Variants in INSL6 observed in about 807,000 individuals in gnomAD.
INSL6 encodes insulin-like peptide INSL6.
A neutral mutation model predicts 9.4 loss-of-function variants in INSL6; 16 were observed. The ratio of observed to expected loss-of-function variants is 1.70; its 90% CI spans 1.15 to 2.59. INSL6 has a LOEUF of 2.59. Ranked by LOEUF, INSL6 falls within the 30% of genes most tolerant of loss-of-function variation. INSL6 has a pLI of 0.00. For synonymous variants in INSL6, 154 were observed against 96.9 expected (o/e 1.59, Z -3.46); for missense variants, 391 against 257.3 (o/e 1.52, Z -3.56).
chr9:5,033,293 G>A, the INSL6 span, among the ~76,000 whole-genome samples: 1 of 152,284 alleles, frequency 6.6e-6, no homozygotes, highest in East Asian at 1.9e-4. Context: ...TGGGGAGAAT[G>A]GAACCAAGTT....
At chr9:5,073,646 A>G in the INSL6 span, 4 of 1,335,564 alleles carry the variant, frequency 3.0e-6, no homozygotes, top group Non-Finnish European at 4.3e-6. Context: ...TTTCTGAACT[A>G]TTTATGGACA....
the INSL6 span, among the ~76,000 whole-genome samples, chr9:5,043,219 T>C: frequency 6.6e-6 from 1 of 151,912 alleles, no homozygotes; most frequent in Non-Finnish European, 1.5e-5. Flanking sequence ...CCCAGGGCGG[T>C]GGCCGTGAGT....
intron 2 of INSL6, among the ~76,000 whole-genome samples, chr9:5,152,027 A>C (rs886733915): frequency 6.6e-6 from 1 of 152,226 alleles, no homozygotes; most frequent in African/African-American, 2.4e-5. Flanking sequence ...ACAAGAATCA[A>C]TTTACCAAAA....
chr9:5,064,853 G>A, the INSL6 span: 1 of 1,478,382 alleles, frequency 6.8e-7, no homozygotes, highest in Non-Finnish European at 9.0e-7. Flanking sequence ...TTTCTAAAAG[G>A]TGCTATTTCT....
intron 1 of INSL6, among the ~76,000 whole-genome samples, chr9:5,181,652 T>C (rs757462476): frequency 6.6e-6 from 1 of 152,148 alleles, no homozygotes; most frequent in Non-Finnish European, 1.5e-5. Context: ...GCAACAGCAA[T>C]AGACAGATGT....
chr9:5,158,712 G>C (rs1315107514), intron 2 of INSL6, among the ~76,000 whole-genome samples: 2 of 152,076 alleles, frequency 1.3e-5, no homozygotes, highest in African/African-American at 4.8e-5. Context: ...AAAATGCTGA[G>C]GAGCTGCATC....
chr9:5,078,286 T>C, the INSL6 span: 49 of 1,603,246 alleles, frequency 3.1e-5, no homozygotes, highest in Admixed American at 4.2e-4. Flanking sequence ...TTTGAATATA[T>C]GTGCGTTTAA....
At chr9:5,151,960 A>C (rs993906609) in intron 2 of INSL6, among the ~76,000 whole-genome samples, 5 of 152,224 alleles carry the variant, frequency 3.3e-5, no homozygotes, top group African/African-American at 1.2e-4. Flanking sequence ...TATATGATGG[A>C]AACACTAATT....
intron 2 of INSL6, among the ~76,000 whole-genome samples, chr9:5,148,019 T>C (rs969867366): frequency 2.6e-5 from 4 of 152,236 alleles, no homozygotes; most frequent in Admixed American, 2.6e-4. Context: ...ATCCAGATTC[T>C]GAATTCCATA....
At chr9:5,175,640 C>T (rs930346811) in intron 1 of INSL6, among the ~76,000 whole-genome samples, 13 of 152,086 alleles carry the variant, frequency 8.5e-5, no homozygotes, top group South Asian at 2.1e-4. Context: ...ACAGCTGCTC[C>T]CCATTGCTCG....
At chr9:5,087,923 G>A in the INSL6 span, among the ~76,000 whole-genome samples, 2 of 151,968 alleles carry the variant, frequency 1.3e-5, no homozygotes, top group East Asian at 1.9e-4. Context: ...TAGTGCATTC[G>A]TGTGACAATA....
intron 2 of INSL6, among the ~76,000 whole-genome samples, chr9:5,149,559 A>G (rs1824672308): frequency 6.6e-6 from 1 of 152,214 alleles, no homozygotes; most frequent in African/African-American, 2.4e-5. Flanking sequence ...TCTATAAGGA[A>G]ATCTACAATG....
At chr9:5,013,653 T>A in the INSL6 span, among the ~76,000 whole-genome samples, 1 of 152,244 alleles carries the variant, frequency 6.6e-6, no homozygotes, top group African/African-American at 2.4e-5. Flanking sequence ...TCATTACTTG[T>A]CAAAATTCTA....
At chr9:5,155,714 A>C (rs1434205692) in intron 2 of INSL6, among the ~76,000 whole-genome samples, 2 of 151,518 alleles carry the variant, frequency 1.3e-5, no homozygotes, top group Non-Finnish European at 2.9e-5. Context: ...GTGGGAGTTG[A>C]ACAATGAGAA....
the INSL6 span, chr9:5,077,701 T>C: frequency 1.8e-6 from 1 of 568,224 alleles, no homozygotes; most frequent in Non-Finnish European, 2.8e-6. Context: ...TGTAAAATAG[T>C]CTGTGTTAGG....
chr9:5,181,997 G>A (rs893316039), intron 1 of INSL6, among the ~76,000 whole-genome samples: 1 of 152,144 alleles, frequency 6.6e-6, no homozygotes, highest in African/African-American at 2.4e-5. Flanking sequence ...TCACTCTGAA[G>A]AGCAATCTGA....
chr9:5,004,277 C>A, the INSL6 span, among the ~76,000 whole-genome samples: 1 of 152,122 alleles, frequency 6.6e-6, no homozygotes, highest in South Asian at 2.1e-4. Flanking sequence ...CCAACGTCTC[C>A]CATTCCTCCT....
the INSL6 span, among the ~76,000 whole-genome samples, chr9:5,069,515 T>G: frequency 1.2e-4 from 18 of 152,090 alleles, no homozygotes; most frequent in Admixed American, 8.5e-4. Context: ...AAAATTTTCA[T>G]ATACTTCGAG....
At chr9:5,050,133 T>C in the INSL6 span, among the ~76,000 whole-genome samples, 1 of 152,228 alleles carries the variant, frequency 6.6e-6, no homozygotes, top group Non-Finnish European at 1.5e-5. Context: ...AATTTTTATG[T>C]AGAAGATATA....
Sources: allele counts gnomAD v4.1 joint callset (sites outside exome capture counted in the v4.1 genomes callset), GRCh38; gene constraint gnomAD v4.1.1; transcripts MANE v1.5; gene names NCBI Gene and HGNC (gene_info 2026-07-23, HGNC 2026-07-21).